The following PCDHA2 variants were observed in gnomAD, a reference collection of about 807,000 sequenced individuals.
PCDHA2 encodes protocadherin alpha-2.
Under a neutral mutation model 66.0 loss-of-function variants are expected in PCDHA2, and 58 were observed. The ratio of observed to expected loss-of-function variants is 0.88; its 90% CI spans 0.71 to 1.09. The LOEUF is 1.09. Among genes scored for constraint, PCDHA2 ranks in the 50% least tolerant of loss-of-function variants. The pLI is 0.00. For missense variants in PCDHA2, 1,267 were observed against 1,242.3 expected, an observed-to-expected ratio of 1.02 and a Z score of -0.30; for synonymous variants, 634 against 554.0, an observed-to-expected ratio of 1.14 and a Z score of -2.03.
At chr5:140,974,865 G>A (rs1042029401) in intron 1 of PCDHA2, among the ~76,000 whole-genome samples, 7 of 152,026 alleles carry the variant, frequency 4.6e-5, no homozygotes, top group African/African-American at 1.4e-4. Context: ...GCCTTAATGC[G>A]GAACAGTCTA....
At chr5:140,882,088 T>G (rs1334008975) in intron 1 of PCDHA2, 3 of 1,087,274 alleles carry the variant, frequency 2.8e-6, no homozygotes, top group African/African-American at 1.6e-5. Flanking sequence ...CGCTCTTCAC[T>G]GAGAACGTTT....
intron 1 of PCDHA2, chr5:140,822,670 G>A (rs1767391853): frequency 1.2e-6 from 2 of 1,608,054 alleles, no homozygotes; most frequent in South Asian, 1.1e-5. Flanking sequence ...TTCTAATACT[G>A]GTGAAATAAA....
chr5:140,976,546 A>G (rs2096722070), intron 1 of PCDHA2, among the ~76,000 whole-genome samples: 1 of 152,086 alleles, frequency 6.6e-6, no homozygotes, highest in Non-Finnish European at 1.5e-5. Context: ...GTAAGACCCT[A>G]TCTCATAAAT....
chr5:140,829,517 A>G, intron 1 of PCDHA2: 1 of 1,613,440 alleles, frequency 6.2e-7, no homozygotes. Context: ...CCACATCTTC[A>G]CGGTGTCTGC....
In PCDHA2 at chr5:140,851,114, A is replaced by C; in HGVS notation, c.2388+53762A>C. On this transcript the variant is annotated intron_variant, in intron 1 of 3. Transcript: ENST00000526136. ...TAGATATTTTTTGGGTGCTGAATCA[A>C]TTTTATTTAAATTTGTGATTAAAGT... 6 of 1,305,466 alleles carry C rather than the reference A, an allele frequency of 4.6e-6. 1 individual carries two copies. The highest frequency in any genetic ancestry group is 6.0e-6 in the Non-Finnish European group (6 of 1,007,386). 80.9% of individuals were successfully genotyped at this position (1,305,466 alleles called of 1,614,324 possible).
chr5:140,801,002 C>T, intron 1 of PCDHA2: 2 of 1,406,070 alleles, frequency 1.4e-6, no homozygotes, highest in Non-Finnish European at 1.8e-6. Flanking sequence ...CGTTTAGCCA[C>T]ATGATGTCGC....
In PCDHA2 at chr5:140,830,543, C is replaced by T. The variant is rs2150187615; in HGVS notation, c.2388+33191C>T. The T allele has an allele frequency of 2.5e-6, 3 of 1,178,256 alleles. No individual in the cohort carries two copies. In the South Asian group the frequency reaches 6.5e-5, roughly 25 times the overall value. 73.0% of individuals were successfully genotyped at this position (1,178,256 alleles called of 1,614,324 possible). On this transcript the variant is annotated intron_variant, in intron 1 of 3. Transcript: ENST00000526136. ...TTATTTTAAATTTATAATTGTTTTCCTCATATTTGTCTTCTATATTTCTGT... is the reference window on the plus strand; with the variant it reads ...TTATTTTAAATTTATAATTGTTTTCTTCATATTTGTCTTCTATATTTCTGT...
rs149795080 is a variant in PCDHA2 at position 140,995,000 on chromosome 5, T to C, written c.2536+12437T>C. Among the ~76,000 whole-genome samples the C allele has an allele frequency of 1.7e-3, 261 of 152,326 alleles. 1 individual carries two copies. The highest frequency in any genetic ancestry group is 6.1e-3 in the African/African-American group (253 of 41,578). ...GAGACCCACTAGAAGGTTAGTTGGTTTGTTTATATTTAGGAAAGAAGATTC... is the reference window on the plus strand; with the variant it reads ...GAGACCCACTAGAAGGTTAGTTGGTCTGTTTATATTTAGGAAAGAAGATTC... On this transcript the variant is annotated intron_variant, in intron 3 of 3. Transcript: ENST00000526136.
chr5:140,850,003 C>G (rs782017581), intron 1 of PCDHA2: 1 of 1,596,910 alleles, frequency 6.3e-7, no homozygotes, highest in African/African-American at 1.3e-5. Context: ...GGCGAGCGCT[C>G]GCTGTCGAGC....
chr5:140,823,878 C>T (rs142924665), intron 1 of PCDHA2: 3 of 1,613,808 alleles, frequency 1.9e-6, no homozygotes, highest in South Asian at 1.1e-5. Context: ...ACCTGATCAT[C>T]GCCATCTGTG....
At chr5:140,857,991 T>A (rs1554150990) in intron 1 of PCDHA2, 1 of 1,596,560 alleles carries the variant, frequency 6.3e-7, no homozygotes. Context: ...CGCCTACTGG[T>A]GCTGGTGAAG....
At chr5:140,833,265 A>T (rs1554133806) in intron 1 of PCDHA2, among the ~76,000 whole-genome samples, 1 of 152,214 alleles carries the variant, frequency 6.6e-6, no homozygotes, top group East Asian at 1.9e-4. Context: ...AGCAGCAATT[A>T]TAAAAACTTA....
chr5:140,871,657 T>A, intron 1 of PCDHA2: 1 of 1,228,196 alleles, frequency 8.1e-7, no homozygotes, highest in Non-Finnish European at 1.1e-6. Context: ...ATGATACACA[T>A]CTTCAGTCTT....
intron 1 of PCDHA2, chr5:140,861,593 A>G: frequency 2.7e-6 from 1 of 371,316 alleles, no homozygotes; most frequent in South Asian, 2.5e-5. Context: ...TGGAGGTGAA[A>G]GTGAAGAACA....
intron 3 of PCDHA2, among the ~76,000 whole-genome samples, chr5:141,005,406 G>C (rs1224420854): frequency 1.3e-5 from 2 of 152,172 alleles, no homozygotes; most frequent in Non-Finnish European, 2.9e-5. Flanking sequence ...GACTTGAAGA[G>C]TGAGGAGTCA....
chr5:140,969,095 C>T, intron 1 of PCDHA2: 1 of 1,614,168 alleles, frequency 6.2e-7, no homozygotes, highest in East Asian at 2.2e-5. Flanking sequence ...AGTGCAGCCT[C>T]ACTTCATTGA....
At chr5:140,802,164 A>G (rs1762858947) in intron 1 of PCDHA2, 1 of 1,614,140 alleles carries the variant, frequency 6.2e-7, no homozygotes, top group African/African-American at 1.3e-5. Context: ...GGTAGAAGCC[A>G]CGGATAAAGG....
intron 1 of PCDHA2, chr5:140,804,167 T>A (rs1312652935): frequency 6.6e-6 from 1 of 152,482 alleles, no homozygotes; most frequent in African/African-American, 2.4e-5. Flanking sequence ...ATTTTTTACT[T>A]GAATATGATT....
intron 1 of PCDHA2, among the ~76,000 whole-genome samples, chr5:140,890,494 C>A (rs1554184398): frequency 1.3e-5 from 2 of 152,064 alleles, no homozygotes; most frequent in South Asian, 4.1e-4. Context: ...TTTGTCTCAC[C>A]ATTTTTATGT....
Sources: gnomAD v4.1 joint callset for allele counts (sites outside exome capture counted in the v4.1 genomes callset) on GRCh38, gnomAD v4.1.1 for gene constraint, MANE v1.5 for transcripts, NCBI Gene and HGNC (gene_info 2026-07-23, HGNC 2026-07-21) for gene names.